The following MTUS2 variants were observed in gnomAD, a reference collection of about 807,000 sequenced individuals.
MTUS2 encodes microtubule associated scaffold protein 2.
In MTUS2, 40 loss-of-function variants were observed where a neutral mutation model predicts 114.1. That is an observed-to-expected ratio of 0.35 (90% CI 0.27 to 0.46). MTUS2 has a LOEUF of 0.46. Among genes scored for constraint, MTUS2 ranks in the 20% least tolerant of loss-of-function variants. The pLI is 1.00. For missense variants in MTUS2, 1,679 were observed against 1,705.4 expected (o/e 0.98, Z 0.27); for synonymous variants, 688 against 672.0 (o/e 1.02, Z -0.37).
chr13:29,300,169 A>G (rs908944817), intron 6 of MTUS2, among the ~76,000 whole-genome samples: 5 of 152,230 alleles, frequency 3.3e-5, no homozygotes, highest in African/African-American at 1.2e-4. Context: ...TTTAGATAAT[A>G]TGGAAGACAT....
intron 4 of MTUS2, among the ~76,000 whole-genome samples, chr13:29,059,312 G>A (rs1888300268): frequency 7.2e-6 from 1 of 139,218 alleles, no homozygotes; most frequent in Non-Finnish European, 1.5e-5. Flanking sequence ...TTAGTCAACT[G>A]GCTTCAAAGC....
At chr13:29,232,277 T>C (rs73449356) in intron 5 of MTUS2, among the ~76,000 whole-genome samples, 3,443 of 87,548 alleles carry the variant, frequency 0.039, 125 homozygotes, top group African/African-American at 0.16. Flanking sequence ...TATACATACA[T>C]ACACACACAC....
Position 29,152,872 on chromosome 13 carries a change from A to G in MTUS2, c.2644+51902A>G, listed in dbSNP as rs867539609. On this transcript the variant is annotated intron_variant, in intron 5 of 15. Transcript: ENST00000612955. ...GAGTGGATTACATAAGGACATGTCTATCAGGAGATGGGGATACTTGGGGGC... is the reference window on the plus strand; with the variant it reads ...GAGTGGATTACATAAGGACATGTCTGTCAGGAGATGGGGATACTTGGGGGC... Among the ~76,000 whole-genome samples the G allele has an allele frequency of 3.3e-5, 5 of 152,206 alleles. No homozygotes were observed. In the South Asian group the frequency reaches 6.2e-4, roughly 19 times the overall value.
At chr13:29,123,483 G>A (rs1005837675) in intron 5 of MTUS2, among the ~76,000 whole-genome samples, 8 of 152,106 alleles carry the variant, frequency 5.3e-5, no homozygotes, top group African/African-American at 1.7e-4. Flanking sequence ...TTGGGAGGCC[G>A]AGAATAGCGG....
chr13:29,058,784 A>T (rs1298245712), intron 4 of MTUS2, among the ~76,000 whole-genome samples: 2 of 146,308 alleles, frequency 1.4e-5, no homozygotes, highest in Admixed American at 7.1e-5. Flanking sequence ...TCATTGTTCA[A>T]TTCCCAACTA....
chr13:28,839,936 T>A (rs1207607448), intron 2 of MTUS2, 86 bp downstream of exon 2: 1 of 151,728 alleles, frequency 6.6e-6, no homozygotes, highest in Non-Finnish European at 1.5e-5. Context: ...TACTTCCTTA[T>A]ACTCAAGGTA....
chr13:29,099,722 C>A (rs7330567), intron 4 of MTUS2, among the ~76,000 whole-genome samples: 148,039 of 152,306 alleles, frequency 0.97, 72,013 homozygotes, highest in Non-Finnish European at 0.99. Context: ...TGCTGGTGAA[C>A]GTTGTTAAAG....
At chr13:29,146,143 C>T (rs958848913) in intron 5 of MTUS2, among the ~76,000 whole-genome samples, 3 of 152,182 alleles carry the variant, frequency 2.0e-5, no homozygotes, top group Non-Finnish European at 4.4e-5. Context: ...AAGCTTTACC[C>T]TCTCCCAAAG....
intron 8 of MTUS2, 74 bp from the exon 9 acceptor site, chr13:29,439,909 A>G (rs1255320952): frequency 1.8e-6 from 2 of 1,125,936 alleles, no homozygotes; most frequent in Non-Finnish European, 2.6e-6. Flanking sequence ...AATACGATTC[A>G]TTAATTAATC....
chr13:29,032,878 C>T (rs1204396194), intron 3 of MTUS2, among the ~76,000 whole-genome samples: 2 of 152,180 alleles, frequency 1.3e-5, no homozygotes, highest in Admixed American at 6.5e-5. Context: ...TGTATCTTTT[C>T]ATGCATGGCC....
rs554319686 is a variant in MTUS2 at position 28,857,257 on chromosome 13, A to G, written c.-243+17407A>G. On this transcript the variant is annotated intron_variant, in intron 2 of 15. Transcript: ENST00000612955. Reference sequence around the variant, plus strand: ...ATGATAGATCTAGAAGACAAAGGCAAGCCTTCTTAAATGTAGAAACTTGAC... The same window carrying G: ...ATGATAGATCTAGAAGACAAAGGCAGGCCTTCTTAAATGTAGAAACTTGAC... 2.6e-5 allele frequency among the ~76,000 whole-genome samples: 4 copies of G among 152,368 alleles called. No individual in the cohort carries two copies. The South Asian group carries it at 8.3e-4, about 32-fold the overall frequency.
chr13:29,194,121 G>A (rs28890204), intron 5 of MTUS2, among the ~76,000 whole-genome samples: 1 of 150,088 alleles, frequency 6.7e-6, no homozygotes, highest in South Asian at 2.1e-4. Context: ...TTAAACGTTA[G>A]ACCTAAAACC....
intron 4 of MTUS2, among the ~76,000 whole-genome samples, chr13:29,039,395 CGGGCACCCTCT>C (rs1294754129): frequency 1.3e-5 from 2 of 152,234 alleles, no homozygotes; most frequent in Admixed American, 6.5e-5. Context: ...CATCGCGCGC[CGGGCACCCTCT>C]GGCCATAGGG....
chr13:28,915,383 A>T (rs1365867387), intron 2 of MTUS2, among the ~76,000 whole-genome samples: 1 of 151,938 alleles, frequency 6.6e-6, no homozygotes, highest in African/African-American at 2.4e-5. Context: ...ACTCTTCTCC[A>T]TAGAGGTTGT....
chr13:29,286,391 C>T (rs1271680258), intron 6 of MTUS2, among the ~76,000 whole-genome samples: 2 of 152,144 alleles, frequency 1.3e-5, no homozygotes, highest in Non-Finnish European at 2.9e-5. Flanking sequence ...ACTGGCCACA[C>T]GTAGCTCTTT....
chr13:29,452,823 C>A (rs1878818814), intron 9 of MTUS2, among the ~76,000 whole-genome samples: 1 of 152,134 alleles, frequency 6.6e-6, no homozygotes, highest in Non-Finnish European at 1.5e-5. Context: ...ATACCAAGGG[C>A]AACCCCTAAG....
At chr13:29,062,131 C>G (rs750165085) in intron 4 of MTUS2, among the ~76,000 whole-genome samples, 1 of 152,020 alleles carries the variant, frequency 6.6e-6, no homozygotes, top group Non-Finnish European at 1.5e-5. Context: ...ACCTCAGGTG[C>G]GCATCATCAT....
At chr13:28,835,645 A>G (rs891254993) in intron 1 of MTUS2, among the ~76,000 whole-genome samples, 3 of 152,192 alleles carry the variant, frequency 2.0e-5, no homozygotes, top group Admixed American at 1.3e-4. Context: ...CATGAATTTT[A>G]TGGTATCTGG....
At chr13:29,200,314 C>T (rs1372993476) in intron 5 of MTUS2, among the ~76,000 whole-genome samples, 3 of 151,814 alleles carry the variant, frequency 2.0e-5, no homozygotes, top group Non-Finnish European at 4.4e-5. Context: ...TCCTGCTTTC[C>T]TCTGTGGGCA....
Sources: allele counts gnomAD v4.1 joint callset (sites outside exome capture counted in the v4.1 genomes callset), GRCh38; gene constraint gnomAD v4.1.1; transcripts MANE v1.5; gene names NCBI Gene and HGNC (gene_info 2026-07-23, HGNC 2026-07-21).